The following CACNG4 variants were observed in gnomAD, a reference collection of about 807,000 sequenced individuals.
CACNG4 encodes voltage-dependent calcium channel gamma-4 subunit.
A neutral mutation model predicts 22.9 loss-of-function variants in CACNG4; 8 were observed. The observed-to-expected ratio is 0.35, with a 90% confidence interval of 0.21 to 0.63. CACNG4 has a LOEUF of 0.63. Among genes scored for constraint, CACNG4 ranks in the 30% least tolerant of loss-of-function variants. The pLI is 0.72. For missense variants in CACNG4, 357 were observed against 455.4 expected, an observed-to-expected ratio of 0.78 and a Z score of 1.97; for synonymous variants, 188 against 191.9, an observed-to-expected ratio of 0.98 and a Z score of 0.17.
Position 67,032,626 on chromosome 17 carries a change from A to G in CACNG4, c.*1622A>G, listed in dbSNP as rs2035615199. 1 of 154,822 alleles carries G rather than the reference A, an allele frequency of 6.5e-6. No homozygotes were observed. The highest frequency in any genetic ancestry group is 2.4e-5 in the African/African-American group (1 of 41,474). 9.6% of individuals were successfully genotyped at this position (154,822 alleles called of 1,614,324 possible). On this transcript the variant is annotated 3_prime_UTR_variant, in exon 4 of 4. Coordinates refer to ENST00000262138, the MANE Select transcript of CACNG4 (RefSeq NM_014405.4). ...CCCAGGAAAGGACGCATCCACCGGTAGCGGCCCCAGCTGACTGTCGCCGTG... is the reference window on the plus strand; with the variant it reads ...CCCAGGAAAGGACGCATCCACCGGTGGCGGCCCCAGCTGACTGTCGCCGTG...
intron 1 of CACNG4, among the ~76,000 whole-genome samples, chr17:66,981,925 G>A (rs2035276776): frequency 6.6e-6 from 1 of 152,114 alleles, no homozygotes; most frequent in Non-Finnish European, 1.5e-5. Flanking sequence ...CAGAAAGAGA[G>A]CTAACTCTTA....
At chr17:66,993,447 C>T (rs1361005460) in intron 1 of CACNG4, among the ~76,000 whole-genome samples, 1 of 152,190 alleles carries the variant, frequency 6.6e-6, no homozygotes, top group African/African-American at 2.4e-5. Flanking sequence ...GTTCATACAT[C>T]TGGGGGCAGA....
At chr17:67,008,192 A>T (rs2035448264) in intron 1 of CACNG4, among the ~76,000 whole-genome samples, 1 of 152,180 alleles carries the variant, frequency 6.6e-6, no homozygotes, top group African/African-American at 2.4e-5. Context: ...TCTCATGGAG[A>T]GCCACTAGCA....
intron 3 of CACNG4, among the ~76,000 whole-genome samples, chr17:67,028,320 G>C (rs964614379): frequency 1.3e-5 from 2 of 152,220 alleles, no homozygotes; most frequent in African/African-American, 4.8e-5. Flanking sequence ...TTGGGAGGCT[G>C]AGGCGGGCGG....
chr17:67,030,987 C>A lies in CACNG4; in HGVS notation c.967C>A (p.Arg323=). The change falls in exon 4 of 4, where the codon CGG becomes AGG. Residue 323 remains arginine (R), a synonymous_variant. Transcript: ENST00000262138. This position sits in a 1 kb window ranked among gnomAD's most constrained non-coding sequence, Gnocchi z 6.4. ...EGFHVSMLNR[R]TTPV ...TTTCCACGTCAGCATGCTGAACCGA[C>A]GGACGACCCCTGTGTGAGCCGCCTG... The A allele has an allele frequency of 6.2e-7, 1 of 1,611,716 alleles. No individual in the cohort carries two copies. The highest frequency in any genetic ancestry group is 8.5e-7 in the Non-Finnish European group (1 of 1,178,366).
At chr17:66,973,834 T>G (rs1021706390) in intron 1 of CACNG4, among the ~76,000 whole-genome samples, 6 of 152,174 alleles carry the variant, frequency 3.9e-5, no homozygotes, top group Non-Finnish European at 7.3e-5. Context: ...AGGGAGGGCC[T>G]GCCTGGATCT....
intron 1 of CACNG4, among the ~76,000 whole-genome samples, chr17:66,970,259 C>T (rs2035195812): frequency 6.6e-6 from 1 of 152,170 alleles, no homozygotes; most frequent in Admixed American, 6.5e-5. Flanking sequence ...AGGGGAAATC[C>T]TTTATATTGG....
chr17:67,001,742 C>A (rs1476367701), intron 1 of CACNG4, among the ~76,000 whole-genome samples: 1 of 152,162 alleles, frequency 6.6e-6, no homozygotes, highest in African/African-American at 2.4e-5. Context: ...CTTCAGGGGC[C>A]CTCATGGGGG....
chr17:67,015,629 G>A (rs1394168566), intron 1 of CACNG4, among the ~76,000 whole-genome samples: 2 of 152,162 alleles, frequency 1.3e-5, no homozygotes, highest in Admixed American at 6.5e-5. Flanking sequence ...AGAACCCCAC[G>A]CGTATATACG....
At position 66,966,066 on chromosome 17, in the gene CACNG4, T is replaced by G. The variant is rs181504229; in HGVS notation, c.220+935T>G. Among the ~76,000 whole-genome samples the G allele has an allele frequency of 3.3e-5, 5 of 152,270 alleles. No homozygotes were observed. In the East Asian group the frequency reaches 9.7e-4, roughly 29 times the overall value. On this transcript the variant is annotated intron_variant, in intron 1 of 3. Transcript: ENST00000262138. ...ACTGGAGGCTGAGTAGTAGGTGTCA[T>G]GAGGCTGGAATGCTAGGGGACCAGG...
chr17:67,015,207 C>G (rs1411110120), intron 1 of CACNG4, among the ~76,000 whole-genome samples: 1 of 152,204 alleles, frequency 6.6e-6, no homozygotes, highest in Non-Finnish European at 1.5e-5. Flanking sequence ...ACGGAGCAAA[C>G]TACCGATACG....
intron 3 of CACNG4, among the ~76,000 whole-genome samples, chr17:67,028,431 T>C (rs1205236303): frequency 2.0e-5 from 3 of 152,082 alleles, no homozygotes; most frequent in Admixed American, 2.0e-4. Flanking sequence ...CGGGTGCCTG[T>C]AGTCCCAGCT....
At chr17:66,991,320 CCAAA>C (rs796983149) in intron 1 of CACNG4, among the ~76,000 whole-genome samples, 21 of 151,186 alleles carry the variant, frequency 1.4e-4, no homozygotes, top group Admixed American at 4.6e-4. Context: ...ATTGCCATCC[CCAAA>C]CAAACAAACA....
chr17:67,028,937 C>T (rs988696613), intron 3 of CACNG4, among the ~76,000 whole-genome samples: 1 of 152,200 alleles, frequency 6.6e-6, no homozygotes, highest in Admixed American at 6.5e-5. Flanking sequence ...CATTTGTACC[C>T]TTACAGAGGG....
intron 1 of CACNG4, among the ~76,000 whole-genome samples, chr17:66,993,637 G>A (rs2035355554): frequency 6.6e-6 from 1 of 152,142 alleles, no homozygotes; most frequent in Non-Finnish European, 1.5e-5. Context: ...ATGGAGTCTT[G>A]CTCTGTCACC....
chr17:66,981,677 G>A (rs983561760), intron 1 of CACNG4, among the ~76,000 whole-genome samples: 2 of 152,082 alleles, frequency 1.3e-5, no homozygotes, highest in African/African-American at 4.8e-5. Context: ...GGTCCCCTCC[G>A]CCCTAGCTGC....
At chr17:66,965,220 A>ACC in intron 1 of CACNG4, 89 bp downstream of exon 1, 2 of 685,852 alleles carry the variant, frequency 2.9e-6, no homozygotes, top group East Asian at 3.3e-5. Flanking sequence ...GCGCACACAC[A>ACC]CACACGCGCA....
chr17:67,011,038 T>C (rs2035465118), intron 1 of CACNG4, among the ~76,000 whole-genome samples: 1 of 152,224 alleles, frequency 6.6e-6, no homozygotes, highest in African/African-American at 2.4e-5. Context: ...AGTTGGGAGA[T>C]GGCCACTTTA....
chr17:67,017,956 C>T (rs2035510187), intron 1 of CACNG4, among the ~76,000 whole-genome samples: 1 of 152,130 alleles, frequency 6.6e-6, no homozygotes, highest in Admixed American at 6.5e-5. Context: ...CACGTGCGTC[C>T]ACCCTTGGAC....
Sources: gnomAD v4.1 joint callset for allele counts (sites outside exome capture counted in the v4.1 genomes callset) on GRCh38, gnomAD v4.1.1 for gene constraint, Gnocchi (gnomAD v3.1) non-coding constraint, MANE v1.5 for transcripts, NCBI Gene and HGNC (gene_info 2026-07-23, HGNC 2026-07-21) for gene names.